The following PDE8A variants were observed in gnomAD, a reference collection of about 807,000 sequenced individuals.
The protein encoded by PDE8A is phosphodiesterase 8A.
A neutral mutation model predicts 105.0 loss-of-function variants in PDE8A; 59 were observed. The observed-to-expected ratio is 0.56, with a 90% CI of 0.46 to 0.70. The LOEUF is 0.70. Ranked by LOEUF, PDE8A falls within the 30% of genes least tolerant of loss-of-function variation. The pLI is 0.00. For synonymous variants in PDE8A, 355 were observed against 371.9 expected, an observed-to-expected ratio of 0.95 and a Z score of 0.52; for missense variants, 1,014 against 1,045.9, an observed-to-expected ratio of 0.97 and a Z score of 0.42.
chr15:84,988,510 G>C (rs1447305146), intron 1 of PDE8A, among the ~76,000 whole-genome samples: 1 of 152,208 alleles, frequency 6.6e-6, no homozygotes, highest in Non-Finnish European at 1.5e-5. Context: ...CCTCTTTGCT[G>C]TCTGAAATGA....
At chr15:85,034,712 A>G (rs1448388315) in intron 1 of PDE8A, among the ~76,000 whole-genome samples, 1 of 152,194 alleles carries the variant, frequency 6.6e-6, no homozygotes, top group African/African-American at 2.4e-5. Flanking sequence ...TATTTTATTT[A>G]TTTAGTTTTA....
rs994946247 is a variant in PDE8A at position 84,982,259 on chromosome 15, C to T, written c.97C>T (p.Leu33Phe). The change falls in exon 1 of 22, where the codon CTC (leucine) becomes TTC (phenylalanine). Residue 33 changes from leucine to phenylalanine, a missense_variant. Leu to Phe is a conservative substitution (Grantham distance 22). Coordinates refer to ENST00000394553, the MANE Select transcript of PDE8A (RefSeq NM_002605.3). ...GCCGCTGTCGTCCGGCGGGCCGCGC[C>T]TCCCGCAGGGCCAGAAGACGGCCGC... ...APPLSSGGPRLPQGQKTAALP... is the reference protein window; with the variant it reads ...APPLSSGGPRFPQGQKTAALP... 6.9e-7 allele frequency: 1 copy of T among 1,455,664 alleles called. No homozygotes were observed. The highest frequency in any genetic ancestry group is 9.0e-7 in the Non-Finnish European group (1 of 1,112,398). 90.2% of individuals were successfully genotyped at this position (1,455,664 alleles called of 1,614,324 possible).
At chr15:85,074,367 T>G (rs2081353485) in intron 3 of PDE8A, among the ~76,000 whole-genome samples, 1 of 152,202 alleles carries the variant, frequency 6.6e-6, no homozygotes, top group African/African-American at 2.4e-5. Flanking sequence ...CCTAAAATAT[T>G]TATTCCCTGA....
At chr15:85,094,679 C>T (rs2081711523) in intron 8 of PDE8A, among the ~76,000 whole-genome samples, 1 of 152,174 alleles carries the variant, frequency 6.6e-6, no homozygotes, top group Admixed American at 6.5e-5. Context: ...TCCCTTCCTC[C>T]CCGTTGGTCC....
chr15:84,993,229 G>A lies in PDE8A; in HGVS notation c.186+10881G>A, dbSNP rs559826483. Among the ~76,000 whole-genome samples the A allele has an allele frequency of 7.1e-4, 107 of 151,700 alleles. 2 individuals are homozygous for A. In the South Asian group the frequency reaches 0.013, roughly 18 times the overall value. ...GAGGCCAAGGCGGGCGGATCACAAG[G>A]TCAGGAGATCAAGACCATCCTGGCT... On this transcript the variant is annotated intron_variant, in intron 1 of 21. Coordinates refer to ENST00000394553, the MANE Select transcript of PDE8A (RefSeq NM_002605.3).
At chr15:85,016,027 T>G (rs2080319537) in intron 1 of PDE8A, among the ~76,000 whole-genome samples, 1 of 152,072 alleles carries the variant, frequency 6.6e-6, no homozygotes, top group South Asian at 2.1e-4. Flanking sequence ...TCCCAGCTAC[T>G]TGGGAGGCTG....
At chr15:85,016,518 C>T (rs564487107) in intron 1 of PDE8A, among the ~76,000 whole-genome samples, 3 of 152,162 alleles carry the variant, frequency 2.0e-5, no homozygotes, top group Non-Finnish European at 2.9e-5. Context: ...ATTAGTCTCT[C>T]TTTAATTATG....
In PDE8A at chr15:85,066,664, C is replaced by T. The variant is rs531268475; in HGVS notation, c.244-350C>T. Among the ~76,000 whole-genome samples the T allele has an allele frequency of 9.2e-4, 137 of 149,498 alleles. 1 individual carries two copies. The highest frequency in any genetic ancestry group is 3.2e-3 in the African/African-American group (130 of 40,438). On this transcript the variant is annotated intron_variant, in intron 2 of 21. Coordinates refer to ENST00000394553, the MANE Select transcript of PDE8A (RefSeq NM_002605.3). ...CACAGAAATGACGATTCTGACCAGG[C>T]GCGGTGGCTCACGCCTGTAATCCCA...
intron 1 of PDE8A, among the ~76,000 whole-genome samples, chr15:85,003,493 C>T (rs917942233): frequency 2.0e-5 from 3 of 152,156 alleles, no homozygotes; most frequent in Admixed American, 6.5e-5. Flanking sequence ...TGAGGGGGAG[C>T]GCCCCTCAGA....
intron 1 of PDE8A, among the ~76,000 whole-genome samples, chr15:84,990,307 T>C (rs969190152): frequency 7.2e-5 from 11 of 151,958 alleles, no homozygotes; most frequent in African/African-American, 2.7e-4. Context: ...TGTATATGTC[T>C]ATGTACTATG....
intron 6 of PDE8A, among the ~76,000 whole-genome samples, chr15:85,086,535 T>G (rs773983826): frequency 6.6e-5 from 10 of 152,256 alleles, no homozygotes; most frequent in Non-Finnish European, 1.5e-4. Context: ...CATGTTCAAG[T>G]GGTTCACAAG....
intron 3 of PDE8A, among the ~76,000 whole-genome samples, chr15:85,070,115 T>C (rs2081289736): frequency 6.6e-6 from 1 of 152,196 alleles, no homozygotes; most frequent in Admixed American, 6.5e-5. Flanking sequence ...TGCAGAATTC[T>C]GTCCTTCCCT....
chr15:85,024,354 G>A (rs1041664145), intron 1 of PDE8A, among the ~76,000 whole-genome samples: 1 of 152,188 alleles, frequency 6.6e-6, no homozygotes, highest in Non-Finnish European at 1.5e-5. Flanking sequence ...TGCCATTTAA[G>A]AAGTGAATTT....
In PDE8A at chr15:85,126,862, C is replaced by T. The variant is rs535572334; in HGVS notation, c.2253+488C>T. Among the ~76,000 whole-genome samples the T allele has an allele frequency of 3.3e-5, 5 of 152,260 alleles. No homozygotes were observed. In the South Asian group the frequency reaches 1.0e-3, roughly 32 times the overall value. ...TTGCAATCAGCCAGAGGAAAAGCGACACATTACTTATAAGAAAACAGTGAT... is the reference window on the plus strand; with the variant it reads ...TTGCAATCAGCCAGAGGAAAAGCGATACATTACTTATAAGAAAACAGTGAT... On this transcript the variant is annotated intron_variant, in intron 20 of 21. Transcript: ENST00000394553.
chr15:85,053,648 G>A (rs1452575932), intron 1 of PDE8A, among the ~76,000 whole-genome samples: 3 of 152,208 alleles, frequency 2.0e-5, no homozygotes, highest in Non-Finnish European at 4.4e-5. Context: ...GAATGCTTGT[G>A]ATTTTTGCAC....
chr15:85,113,746 C>T (rs985314775), intron 13 of PDE8A, 127 bp from the exon 14 acceptor site: 7 of 726,376 alleles, frequency 9.6e-6, no homozygotes, highest in Non-Finnish European at 1.6e-5. Flanking sequence ...TCTCAAACTC[C>T]TGGGCTCAAG....
intron 11 of PDE8A, among the ~76,000 whole-genome samples, chr15:85,103,251 G>T (rs1188220419): frequency 2.6e-5 from 4 of 152,310 alleles, no homozygotes; most frequent in African/African-American, 7.2e-5. Context: ...ACAGCCTAGA[G>T]TTGGGCAGCC....
At chr15:85,109,197 G>C in intron 12 of PDE8A, 67 bp downstream of exon 12, 2 of 1,075,232 alleles carry the variant, frequency 1.9e-6, no homozygotes, top group East Asian at 2.4e-5. Context: ...GCCCTGCCCT[G>C]CCTTGCCCAG....
At chr15:85,085,611 G>A (rs546236902) in intron 6 of PDE8A, among the ~76,000 whole-genome samples, 1 of 151,464 alleles carries the variant, frequency 6.6e-6, no homozygotes, top group East Asian at 1.9e-4. Context: ...GACAGGAGAG[G>A]TTGCAGTGAG....
Sources: gnomAD v4.1 joint callset for allele counts (sites outside exome capture counted in the v4.1 genomes callset) on GRCh38, gnomAD v4.1.1 for gene constraint, MANE v1.5 for transcripts, NCBI Gene and HGNC (gene_info 2026-07-23, HGNC 2026-07-21) for gene names.